The following ASIC2 variants were observed in gnomAD, a reference collection of about 807,000 sequenced individuals.
ASIC2 encodes acid sensing ion channel subunit 2.
ASIC2 carries 25 observed loss-of-function variants against 57.3 expected under a neutral mutation model. The ratio of observed to expected loss-of-function variants is 0.44; its 90% CI spans 0.32 to 0.61. The LOEUF (loss-of-function observed/expected upper bound fraction) is 0.61, where lower values mean the gene tolerates loss of function less well. Ranked by LOEUF, ASIC2 falls within the 20% of genes least tolerant of loss-of-function variation. ASIC2 has a pLI of 0.06. For missense variants in ASIC2, 641 were observed against 738.1 expected (o/e 0.87, Z 1.52); for synonymous variants, 319 against 307.5 (o/e 1.04, Z -0.39).
At chr17:33,649,788 T>G (rs1906861132) in intron 1 of ASIC2, among the ~76,000 whole-genome samples, 3 of 152,196 alleles carry the variant, frequency 2.0e-5, no homozygotes, top group Admixed American at 2.0e-4. Context: ...AGGTAAATTT[T>G]GAACAAATGA....
At chr17:33,446,396 G>A (rs1226567816) in intron 1 of ASIC2, among the ~76,000 whole-genome samples, 1 of 152,140 alleles carries the variant, frequency 6.6e-6, no homozygotes, top group East Asian at 1.9e-4. Context: ...CAGCCTCTGT[G>A]GCTCATTTCT....
chr17:33,317,184 CT>C (rs1906690426), intron 1 of ASIC2, among the ~76,000 whole-genome samples: 1 of 152,234 alleles, frequency 6.6e-6, no homozygotes, highest in African/African-American at 2.4e-5. Context: ...TTTCTTCTGC[CT>C]TTGCCCCTAC....
intron 1 of ASIC2, among the ~76,000 whole-genome samples, chr17:34,142,708 A>G (rs573891951): frequency 6.6e-6 from 1 of 152,326 alleles, no homozygotes; most frequent in Admixed American, 6.5e-5. Context: ...CAGAGGCAGA[A>G]GTTGAAGCTC....
At chr17:33,246,531 G>A (rs919092126) in intron 1 of ASIC2, among the ~76,000 whole-genome samples, 4 of 152,190 alleles carry the variant, frequency 2.6e-5, no homozygotes, top group Admixed American at 2.6e-4. Flanking sequence ...AATGGGGTCG[G>A]GGAACTTCTG....
At chr17:33,190,086 G>A (rs183879194) in intron 1 of ASIC2, among the ~76,000 whole-genome samples, 135 of 152,042 alleles carry the variant, frequency 8.9e-4, no homozygotes, top group African/African-American at 3.2e-3. Context: ...TGGAAAGGAG[G>A]AAGTAAAACT....
intron 1 of ASIC2, among the ~76,000 whole-genome samples, chr17:34,134,079 G>C (rs1175462364): frequency 1.3e-5 from 2 of 152,138 alleles, no homozygotes; most frequent in Non-Finnish European, 2.9e-5. Flanking sequence ...TCAGCTTCCA[G>C]GTACTGATTC....
At position 33,115,065 on chromosome 17, in the gene ASIC2, G is replaced by C. The variant is rs551188754; in HGVS notation, c.709-2998C>G. Among the ~76,000 whole-genome samples, 4 of 152,304 alleles carry C rather than the reference G, an allele frequency of 2.6e-5. No individual in the cohort carries two copies. In the East Asian group the frequency reaches 7.7e-4, roughly 29 times the overall value. On this transcript the variant is annotated intron_variant, in intron 1 of 9. Transcript: ENST00000225823. Reference sequence around the variant, plus strand: ...TTATAGTGGGAGTGAGTAGAGACTTGTTCCCCATCCTTGACTGCCTCCTTG... The same window carrying C: ...TTATAGTGGGAGTGAGTAGAGACTTCTTCCCCATCCTTGACTGCCTCCTTG...
chr17:33,925,544 C>T (rs1317025070), intron 1 of ASIC2, among the ~76,000 whole-genome samples: 1 of 152,246 alleles, frequency 6.6e-6, no homozygotes, highest in Admixed American at 6.5e-5. Flanking sequence ...CATGTGGCCT[C>T]GTCTGCTGCC....
At chr17:33,364,334 T>C (rs867248317) in intron 1 of ASIC2, among the ~76,000 whole-genome samples, 7 of 150,842 alleles carry the variant, frequency 4.6e-5, no homozygotes, top group Middle Eastern at 3.4e-3. Context: ...TGACATAACC[T>C]TTTTGAAGAC....
rs147846765 is a variant in ASIC2 at position 33,748,209 on chromosome 17, C to T, written c.555+407769G>A. Among the ~76,000 whole-genome samples the T allele has an allele frequency of 7.7e-4, 118 of 152,340 alleles. 1 individual carries two copies. In the East Asian group the frequency reaches 0.017, roughly 21 times the overall value. On this transcript the variant is annotated intron_variant, in intron 1 of 9. Coordinates refer to the ASIC2 transcript ENST00000359872. ...CTAGCCACCTGCCTCCTTAAGCACCCGCCTCCTGGTGCCTGCTTCCCTGAT... is the reference window on the plus strand; with the variant it reads ...CTAGCCACCTGCCTCCTTAAGCACCTGCCTCCTGGTGCCTGCTTCCCTGAT...
chr17:34,071,240 G>T (rs543883417), intron 1 of ASIC2: 9 of 152,138 alleles, frequency 5.9e-5, no homozygotes, highest in Admixed American at 5.9e-4. Context: ...CCGCAGGGAT[G>T]TAGGCCTAGA....
chr17:33,362,311 C>G (rs1178735607), intron 1 of ASIC2, among the ~76,000 whole-genome samples: 1 of 152,160 alleles, frequency 6.6e-6, no homozygotes, highest in Non-Finnish European at 1.5e-5. Flanking sequence ...CCTGTAAATG[C>G]CAGAGACGTG....
At chr17:33,731,354 C>T (rs1909736777) in intron 1 of ASIC2, among the ~76,000 whole-genome samples, 1 of 152,052 alleles carries the variant, frequency 6.6e-6, no homozygotes, top group Non-Finnish European at 1.5e-5. Context: ...TCATTTGGAG[C>T]CCTTGCATTA....
rs940957682 is a variant in ASIC2, at chr17:33,926,932, A to AT, written c.555+229045dup. Among the ~76,000 whole-genome samples the AT allele has an allele frequency of 2.0e-3, 293 of 146,474 alleles. 3 individuals are homozygous for AT. In the East Asian group the frequency reaches 0.025, roughly 13 times the overall value. ...CATCTTGGTGCTCAAAAAGTTTTGG[A>AT]TTTTTTTTTTTTGAGACAGAGTCTC... On this transcript the variant is annotated intron_variant, in intron 1 of 9. Transcript: ENST00000359872.
At chr17:33,480,843 G>A (rs1014031707) in intron 1 of ASIC2, among the ~76,000 whole-genome samples, 4 of 152,048 alleles carry the variant, frequency 2.6e-5, no homozygotes, top group African/African-American at 9.7e-5. Flanking sequence ...ACCAGGAGAG[G>A]CTCCACCTGC....
At chr17:33,506,331 T>C (rs1482903977) in intron 1 of ASIC2, among the ~76,000 whole-genome samples, 2 of 149,710 alleles carry the variant, frequency 1.3e-5, no homozygotes, top group Non-Finnish European at 3.0e-5. Context: ...GCGAATGGTG[T>C]GAACCCGGGA....
chr17:33,133,559 A>G (rs2092356238), intron 1 of ASIC2, among the ~76,000 whole-genome samples: 1 of 152,242 alleles, frequency 6.6e-6, no homozygotes, highest in African/African-American at 2.4e-5. Context: ...GTTACAAGAT[A>G]TTCTACCATA....
rs1012131917 is a variant in ASIC2 at position 34,126,494 on chromosome 17, C to T, written c.555+29484G>A. 3.3e-5 allele frequency among the ~76,000 whole-genome samples: 5 copies of T among 152,176 alleles called. 1 individual carries two copies. Among genetic ancestry groups the T allele is most frequent in the African/African-American group, 1.2e-4 (5 of 41,436 alleles). Reference sequence around the variant, plus strand: ...GTTTAGCCTCAGCCTTCTGAACATGCCAAGGACCTCAGTCCTGTACGGCAA... The same window carrying T: ...GTTTAGCCTCAGCCTTCTGAACATGTCAAGGACCTCAGTCCTGTACGGCAA... On this transcript the variant is annotated intron_variant, in intron 1 of 9. Coordinates refer to the ASIC2 transcript ENST00000359872.
At chr17:33,674,036 G>A (rs140511854) in intron 1 of ASIC2, among the ~76,000 whole-genome samples, 1,591 of 152,168 alleles carry the variant, frequency 0.01, 32 homozygotes, top group African/African-American at 0.035. Context: ...TGGGGCTATA[G>A]GCACATGCCA....
Sources: allele counts gnomAD v4.1 joint callset (sites outside exome capture counted in the v4.1 genomes callset), GRCh38; gene constraint gnomAD v4.1.1; transcripts MANE v1.5; gene names NCBI Gene and HGNC (gene_info 2026-07-23, HGNC 2026-07-21).